Variants in MTHFD1L observed in about 807,000 individuals in gnomAD.
MTHFD1L encodes monofunctional C1-tetrahydrofolate synthase, mitochondrial.
A neutral mutation model predicts 119.5 loss-of-function variants in MTHFD1L; 81 were observed. The observed-to-expected ratio is 0.68, with a 90% CI of 0.57 to 0.82. The LOEUF (loss-of-function observed/expected upper bound fraction) is 0.82. Ranked by LOEUF, MTHFD1L falls within the 40% of genes least tolerant of loss-of-function variation. The pLI is 0.00. For missense variants in MTHFD1L, 1,125 were observed against 1,253.4 expected (o/e 0.90, Z 1.55); for synonymous variants, 430 against 475.2 (o/e 0.90, Z 1.24).
intron 8 of MTHFD1L, among the ~76,000 whole-genome samples, chr6:150,917,963 T>A (rs1788260555): frequency 6.6e-6 from 1 of 152,178 alleles, no homozygotes; most frequent in Non-Finnish European, 1.5e-5. Flanking sequence ...TGTGCCTAGA[T>A]GTTTCTTCCT....
At chr6:150,931,266 A>C (rs1583622696) in intron 11 of MTHFD1L, among the ~76,000 whole-genome samples, 1 of 125,176 alleles carries the variant, frequency 8.0e-6, no homozygotes. Flanking sequence ...ACATCATTTC[A>C]TCTTTTTTTT....
chr6:151,014,827 T>G, intron 22 of MTHFD1L, 53 bp from the exon 23 acceptor site: 1 of 1,429,946 alleles, frequency 7.0e-7, no homozygotes, highest in South Asian at 1.2e-5. Flanking sequence ...CTTGGCAGGT[T>G]TGGTGGGAGA....
rs78374443 is a variant in MTHFD1L, at chr6:151,037,122, G to A, written c.2847+5G>A. 4 of 1,611,888 alleles carry A rather than the reference G, an allele frequency of 2.5e-6. No individual in the cohort carries two copies. Among genetic ancestry groups the A allele is most frequent in the Non-Finnish European group, 3.4e-6 (4 of 1,179,734 alleles). ...ATTTACCCTTTGGTCGGAACGGTGA[G>A]TGAGTCACATTTTCCAAAAACCCTC... On this transcript the variant is annotated splice_donor_5th_base_variant and intron_variant, in intron 26 of 27. Coordinates refer to ENST00000367321, the MANE Select transcript of MTHFD1L (RefSeq NM_015440.5).
At chr6:150,955,308 C>A (rs1487979730) in intron 16 of MTHFD1L, among the ~76,000 whole-genome samples, 2 of 152,138 alleles carry the variant, frequency 1.3e-5, no homozygotes, top group African/African-American at 2.4e-5. Flanking sequence ...ATCAACATGA[C>A]CTTCTTTTAT....
At chr6:150,906,532 A>G (rs564587832) in intron 8 of MTHFD1L, among the ~76,000 whole-genome samples, 1 of 152,356 alleles carries the variant, frequency 6.6e-6, no homozygotes, top group South Asian at 2.1e-4. Context: ...CAGGTGAGCC[A>G]GAGACGATGG....
chr6:151,048,079 A>G (rs1367015292), intron 26 of MTHFD1L, among the ~76,000 whole-genome samples: 2 of 152,118 alleles, frequency 1.3e-5, no homozygotes, highest in Non-Finnish European at 2.9e-5. Context: ...ATTCACCCCC[A>G]TGATCCAGTC....
At chr6:150,875,728 T>C (rs529701176) in intron 1 of MTHFD1L, among the ~76,000 whole-genome samples, 1 of 152,248 alleles carries the variant, frequency 6.6e-6, no homozygotes, top group East Asian at 1.9e-4. Flanking sequence ...CTCAGGGTTT[T>C]GGGAGGATGG....
chr6:150,976,834 G>A (rs569227417), intron 20 of MTHFD1L, among the ~76,000 whole-genome samples: 8 of 152,166 alleles, frequency 5.3e-5, no homozygotes, highest in Non-Finnish European at 1.2e-4. Flanking sequence ...TACAAAAATA[G>A]AGAATTTGAA....
At chr6:151,066,437 CAAAAAAAAAAA>C (rs35065800) in intron 26 of MTHFD1L, among the ~76,000 whole-genome samples, 4 of 50,686 alleles carry the variant, frequency 7.9e-5, no homozygotes, top group East Asian at 7.2e-4. Flanking sequence ...GACTCCATCT[CAAAAAAAAAAA>C]AAAAAAAAAA....
At chr6:150,875,343 C>A (rs1780258215) in intron 1 of MTHFD1L, among the ~76,000 whole-genome samples, 1 of 152,084 alleles carries the variant, frequency 6.6e-6, no homozygotes, top group African/African-American at 2.4e-5. Context: ...GCCACCATGC[C>A]AGGCCTTCTA....
rs370313971 is a variant in MTHFD1L, at chr6:151,060,853, T to C, written c.2847+23736T>C. Reference sequence around the variant, plus strand: ...GCAATATCATAATTACATTCATGTTTCAGAGAGATCACTCAGGCAGCAGTC... The same window carrying C: ...GCAATATCATAATTACATTCATGTTCCAGAGAGATCACTCAGGCAGCAGTC... On this transcript the variant is annotated intron_variant, in intron 26 of 27. Coordinates refer to ENST00000367321, the MANE Select transcript of MTHFD1L (RefSeq NM_015440.5). Among the ~76,000 whole-genome samples the C allele has an allele frequency of 3.3e-5, 5 of 152,288 alleles. No homozygotes were observed. The East Asian group carries it at 7.7e-4, about 24-fold the overall frequency.
Position 150,989,490 on chromosome 6 carries a change from T to C in MTHFD1L, c.2125+17432T>C, listed in dbSNP as rs544754637. On this transcript the variant is annotated intron_variant, in intron 20 of 27. Transcript: ENST00000367321. ...ATTTTATTATTTATGTACAGAATAA[T>C]TATATAACTAGAAAATTCAAGAGAG... Among the ~76,000 whole-genome samples, 8 of 152,306 alleles carry C rather than the reference T, an allele frequency of 5.3e-5. No individual in the cohort carries two copies. In the East Asian group the frequency reaches 1.2e-3, roughly 22 times the overall value.
intron 27 of MTHFD1L, among the ~76,000 whole-genome samples, chr6:151,092,814 C>T (rs920251788): frequency 6.6e-6 from 1 of 152,070 alleles, no homozygotes; most frequent in African/African-American, 2.4e-5. Flanking sequence ...GTCCTGCGCT[C>T]GAGTCCAGTG....
At chr6:151,008,550 G>A (rs1369726575) in intron 20 of MTHFD1L, among the ~76,000 whole-genome samples, 1 of 152,086 alleles carries the variant, frequency 6.6e-6, no homozygotes, top group African/African-American at 2.4e-5. Context: ...TGTTGATCAC[G>A]AATCACGCAT....
intron 20 of MTHFD1L, among the ~76,000 whole-genome samples, chr6:150,988,036 CT>C (rs1418786443): frequency 6.6e-6 from 1 of 152,140 alleles, no homozygotes; most frequent in African/African-American, 2.4e-5. Context: ...CCCATCCCTG[CT>C]TATGATTTAT....
chr6:151,048,183 C>T (rs1413954500), intron 26 of MTHFD1L, among the ~76,000 whole-genome samples: 1 of 152,162 alleles, frequency 6.6e-6, no homozygotes, highest in Non-Finnish European at 1.5e-5. Context: ...ACATGCCTTT[C>T]CCAGGACTGG....
At position 150,926,337 on chromosome 6, in the gene MTHFD1L, T is replaced by G. The variant is rs1031591963; in HGVS notation, c.1256+42T>G. On this transcript the variant is annotated intron_variant, in intron 11 of 27. Transcript: ENST00000367321. This position sits in a 1 kb window ranked among gnomAD's most constrained non-coding sequence, Gnocchi z 4.3. ...CATCTACTTGATCAAGCAGACATAT[T>G]TACAAAACTCTTCCCTATTTATCTC... The G allele has an allele frequency of 6.4e-7, 1 of 1,552,956 alleles. No individual in the cohort carries two copies. The highest frequency in any genetic ancestry group is 1.7e-5 in the Admixed American group (1 of 57,388).
At chr6:151,094,339 A>G (rs984261759) in intron 27 of MTHFD1L, among the ~76,000 whole-genome samples, 1 of 152,098 alleles carries the variant, frequency 6.6e-6, no homozygotes, top group Non-Finnish European at 1.5e-5. Flanking sequence ...TTGTTTCACT[A>G]CCAGGAGTCC....
intron 7 of MTHFD1L, 136 bp downstream of exon 7, chr6:150,888,117 T>A: frequency 1.1e-6 from 1 of 928,322 alleles, no homozygotes; most frequent in Non-Finnish European, 1.5e-6. Flanking sequence ...ATTAAAGACA[T>A]TGAATGAGTC....
Sources: allele counts gnomAD v4.1 joint callset (sites outside exome capture counted in the v4.1 genomes callset), GRCh38; gene constraint gnomAD v4.1.1; non-coding constraint Gnocchi (gnomAD v3.1); transcripts MANE v1.5; gene names NCBI Gene and HGNC (gene_info 2026-07-23, HGNC 2026-07-21).